ST6GALNAC5: variants seen among roughly 807,000 people sequenced by gnomAD.
ST6GALNAC5 encodes ST6 N-acetylgalactosaminide alpha-2,6-sialyltransferase 5.
ST6GALNAC5 carries 27 observed loss-of-function variants against 33.6 expected under a neutral mutation model. That is an observed-to-expected ratio of 0.80 (90% CI 0.59 to 1.11). The LOEUF (loss-of-function observed/expected upper bound fraction) is 1.11. Among genes scored for constraint, ST6GALNAC5 ranks in the 50% least tolerant of loss-of-function variants. The pLI is 0.00. For synonymous variants in ST6GALNAC5, 194 were observed against 171.2 expected, an observed-to-expected ratio of 1.13 and a Z score of -1.04; for missense variants, 428 against 454.0, an observed-to-expected ratio of 0.94 and a Z score of 0.52.
At chr1:76,943,814 A>G (rs1647417308) in intron 2 of ST6GALNAC5, among the ~76,000 whole-genome samples, 1 of 152,104 alleles carries the variant, frequency 6.6e-6, no homozygotes, top group Non-Finnish European at 1.5e-5. Flanking sequence ...TATTGTGTCA[A>G]GTTCATACAT....
At chr1:76,880,970 T>G (rs959498795) in intron 2 of ST6GALNAC5, among the ~76,000 whole-genome samples, 1 of 152,212 alleles carries the variant, frequency 6.6e-6, no homozygotes, top group Non-Finnish European at 1.5e-5. Context: ...TTGCAAATAC[T>G]AGGATTATGG....
At chr1:76,895,508 A>G (rs1009072794) in intron 2 of ST6GALNAC5, among the ~76,000 whole-genome samples, 12 of 152,244 alleles carry the variant, frequency 7.9e-5, no homozygotes, top group Non-Finnish European at 2.9e-5. Flanking sequence ...ACTAAATGGA[A>G]TAACAGAAGG....
At chr1:76,914,730 TA>T (rs1280999626) in intron 2 of ST6GALNAC5, among the ~76,000 whole-genome samples, 2 of 152,032 alleles carry the variant, frequency 1.3e-5, no homozygotes, top group Admixed American at 6.6e-5. Context: ...CCTAAAACCA[TA>T]AAAACCCTAG....
chr1:76,891,742 G>C (rs1054584917), intron 2 of ST6GALNAC5, among the ~76,000 whole-genome samples: 19 of 152,128 alleles, frequency 1.2e-4, no homozygotes, highest in Admixed American at 4.6e-4. Flanking sequence ...GACTCAGTTT[G>C]AATTAATTGT....
At chr1:77,033,742 G>T (rs1325743129) in intron 2 of ST6GALNAC5, among the ~76,000 whole-genome samples, 1 of 152,142 alleles carries the variant, frequency 6.6e-6, no homozygotes, top group African/African-American at 2.4e-5. Flanking sequence ...GACCAGAGAA[G>T]GAATGCTTAC....
At chr1:77,006,816 G>A (rs770283829) in intron 2 of ST6GALNAC5, among the ~76,000 whole-genome samples, 4 of 152,176 alleles carry the variant, frequency 2.6e-5, no homozygotes, top group Admixed American at 6.5e-5. Flanking sequence ...TCTGGTCTCT[G>A]TTGGCCTAGC....
At chr1:76,988,623 G>C (rs1279956479) in intron 2 of ST6GALNAC5, among the ~76,000 whole-genome samples, 1 of 151,878 alleles carries the variant, frequency 6.6e-6, no homozygotes, top group Admixed American at 6.6e-5. Flanking sequence ...TTTATGACTT[G>C]ATTTGCCAAC....
At chr1:77,061,185 C>T (rs377003179) in intron 4 of ST6GALNAC5, among the ~76,000 whole-genome samples, 31 of 152,042 alleles carry the variant, frequency 2.0e-4, no homozygotes, top group African/African-American at 6.3e-4. Flanking sequence ...AATTCCAAGA[C>T]GGGCATATTA....
chr1:76,918,495 G>A (rs1375598210), intron 2 of ST6GALNAC5, among the ~76,000 whole-genome samples: 1 of 151,532 alleles, frequency 6.6e-6, no homozygotes, highest in Non-Finnish European at 1.5e-5. Flanking sequence ...CCACATGCCT[G>A]TAGTCTCAGC....
At chr1:77,036,720 T>C (rs912692627) in intron 2 of ST6GALNAC5, among the ~76,000 whole-genome samples, 4 of 152,280 alleles carry the variant, frequency 2.6e-5, no homozygotes, top group East Asian at 3.8e-4. Flanking sequence ...CATTCACTTA[T>C]TCTTTGCAAA....
intron 2 of ST6GALNAC5, among the ~76,000 whole-genome samples, chr1:76,912,343 A>G (rs373016136): frequency 6.6e-6 from 1 of 152,138 alleles, no homozygotes; most frequent in African/African-American, 2.4e-5. Context: ...CTTTACTTCC[A>G]ACTATGTGGT....
intron 2 of ST6GALNAC5, among the ~76,000 whole-genome samples, chr1:76,900,732 A>G (rs1646809773): frequency 1.3e-5 from 2 of 152,216 alleles, no homozygotes; most frequent in African/African-American, 4.8e-5. Context: ...ACATGTTGCA[A>G]AGAAGAATAA....
chr1:77,055,906 C>T (rs1652382682), intron 4 of ST6GALNAC5, among the ~76,000 whole-genome samples: 1 of 152,192 alleles, frequency 6.6e-6, no homozygotes, highest in South Asian at 2.1e-4. Context: ...AAGCCCTGTC[C>T]ATGGGGGTGT....
In ST6GALNAC5 at chr1:77,042,664, G is replaced by A. The variant is rs149024895; in HGVS notation, c.262-1540G>A. Among the ~76,000 whole-genome samples the A allele has an allele frequency of 1.0e-3, 152 of 152,280 alleles. 1 individual carries two copies. The highest frequency in any genetic ancestry group is 3.6e-3 in the African/African-American group (150 of 41,544). On this transcript the variant is annotated intron_variant, in intron 2 of 4. Coordinates refer to ENST00000477717, the MANE Select transcript of ST6GALNAC5 (RefSeq NM_030965.3). ...TCCGCACTGACCAATAATCCTAATAGCACCTAACATTTAGTGAATGATCAC... is the reference window on the plus strand; with the variant it reads ...TCCGCACTGACCAATAATCCTAATAACACCTAACATTTAGTGAATGATCAC...
At chr1:76,929,916 G>C (rs888212215) in intron 2 of ST6GALNAC5, among the ~76,000 whole-genome samples, 1 of 151,990 alleles carries the variant, frequency 6.6e-6, no homozygotes, top group Non-Finnish European at 1.5e-5. Context: ...TTCAAGATCA[G>C]CCTAGGCAAC....
intron 2 of ST6GALNAC5, among the ~76,000 whole-genome samples, chr1:77,038,285 CTT>C: frequency 6.6e-6 from 1 of 152,290 alleles, no homozygotes; most frequent in Non-Finnish European, 1.5e-5. Flanking sequence ...AAGAGTAACA[CTT>C]TTCTAGTGAA....
chr1:76,881,644 T>C (rs1231842588), intron 2 of ST6GALNAC5, among the ~76,000 whole-genome samples: 1 of 152,220 alleles, frequency 6.6e-6, no homozygotes, highest in East Asian at 1.9e-4. Context: ...CAATAAGTAC[T>C]TGTTGAATGA....
At chr1:76,872,429 A>G (rs902190482) in intron 2 of ST6GALNAC5, among the ~76,000 whole-genome samples, 2 of 152,110 alleles carry the variant, frequency 1.3e-5, no homozygotes, top group Non-Finnish European at 2.9e-5. Context: ...CCAGGGATGG[A>G]TTTTACACAT....
Position 77,044,441 on chromosome 1 carries a change from G to A in ST6GALNAC5, c.499G>A (p.Val167Met), listed in dbSNP as rs767341692. The A allele has an allele frequency of 1.4e-5, 23 of 1,613,152 alleles. No homozygotes were observed. The highest frequency in any genetic ancestry group is 1.6e-4 in the Middle Eastern group (1 of 6,080). The change falls in exon 3 of 5, where the codon GTG becomes ATG. Residue 167 changes from valine (V) to methionine (M), a missense_variant. Val to Met is a conservative substitution (Grantham distance 21). Transcript: ENST00000477717. ...CCTGCTCAACGTGAGCCAGGGCACC[G>A]TGTTCATCTTCTGGGGCCCCAGCAG... ...HDLLNVSQGT[V>M]FIFWGPSSYM...
Sources: allele counts gnomAD v4.1 joint callset (sites outside exome capture counted in the v4.1 genomes callset), GRCh38; gene constraint gnomAD v4.1.1; transcripts MANE v1.5; gene names NCBI Gene and HGNC (gene_info 2026-07-23, HGNC 2026-07-21).